The following TUBB variants were observed in gnomAD, a reference collection of about 807,000 sequenced individuals.
The protein encoded by TUBB is tubulin beta chain.
TUBB carries 2 observed loss-of-function variants against 35.1 expected under a neutral mutation model. The ratio of observed to expected loss-of-function variants is 0.06; its 90% CI spans 0.02 to 0.18. The LOEUF is 0.18. Ranked by LOEUF, TUBB falls within the 10% of genes least tolerant of loss-of-function variation. The probability of loss-of-function intolerance (pLI) is 1.00; values close to 1 mark genes in which losing one functional copy is unlikely to be tolerated. For synonymous variants in TUBB, 205 were observed against 223.8 expected (o/e 0.92, Z 0.75); for missense variants, 50 against 599.4 (o/e 0.08, Z 9.57).
At position 30,724,510 on chromosome 6, in the gene TUBB, T is replaced by C. The variant is rs1776504482; in HGVS notation, c.*113T>C. 9.9e-7 allele frequency: 1 copy of C among 1,005,482 alleles called. No individual in the cohort carries two copies. The highest frequency in any genetic ancestry group is 1.8e-5 in the African/African-American group (1 of 56,526). The allele number at this position is 1,005,482 out of a possible 1,614,324, so 62.3% of individuals were successfully genotyped here. On this transcript the variant is annotated 3_prime_UTR_variant, in exon 4 of 4. Coordinates refer to ENST00000327892, the MANE Select transcript of TUBB (RefSeq NM_178014.4). This position sits in a 1 kb window ranked among gnomAD's most constrained non-coding sequence, Gnocchi z 4.4. The stretch of plus-strand genomic sequence containing the variant: ...CTGCCTCTATCTTGTTTTTTGTTTT[T>C]TCTTCTGGGGGGGGTCTAGAACAGT...
intron 2 of TUBB, 103 bp downstream of exon 2, chr6:30,722,748 T>A (rs1776372963): frequency 1.7e-6 from 2 of 1,185,864 alleles, no homozygotes; most frequent in South Asian, 1.4e-5. Context: ...TGGGTGAATC[T>A]GTCATTTTGT....
At chr6:30,722,705 C>A in intron 2 of TUBB, 60 bp downstream of exon 2, 1 of 1,428,912 alleles carries the variant, frequency 7.0e-7, no homozygotes, top group Non-Finnish European at 9.8e-7. Flanking sequence ...TATCTGGGAT[C>A]TCTTTCCATT....
At position 30,724,936 on chromosome 6, in the gene TUBB, G is replaced by A. The variant is rs1776542005; in HGVS notation, c.*539G>A. On this transcript the variant is annotated 3_prime_UTR_variant, in exon 4 of 4. Coordinates refer to ENST00000327892, the MANE Select transcript of TUBB (RefSeq NM_178014.4). The surrounding 1 kb of genome is among the most constrained non-coding windows in gnomAD (Gnocchi z 4.4). ...CATCTCAGCTTCAAGGGAGGTGTCAGCAGTATTATCTCCACTTTCAATCTC... is the reference window on the plus strand; with the variant it reads ...CATCTCAGCTTCAAGGGAGGTGTCAACAGTATTATCTCCACTTTCAATCTC... The A allele has an allele frequency of 6.4e-6, 1 of 155,488 alleles. No homozygotes were observed. Among genetic ancestry groups the A allele is most frequent in the African/African-American group, 2.4e-5 (1 of 41,356 alleles). The allele number at this position is 155,488 out of a possible 1,614,324, so 9.6% of individuals were successfully genotyped here. A position where few individuals can be genotyped will look rare whatever the true frequency, so the allele number is the denominator to read the frequency against.
intron 1 of TUBB, chr6:30,721,524 TG>T (rs1036146648): frequency 6.1e-6 from 6 of 984,136 alleles, no homozygotes; most frequent in Non-Finnish European, 7.2e-6. Flanking sequence ...GCGGAATTTT[TG>T]TCCCTGGCCC....
Position 30,723,526 on chromosome 6 carries a change from T to G in TUBB, c.464T>G (p.Ile155Ser). 1 of 1,614,180 alleles carries G rather than the reference T, an allele frequency of 6.2e-7. No homozygotes were observed. The highest frequency in any genetic ancestry group is 8.5e-7 in the Non-Finnish European group (1 of 1,180,024). ...SGMGTLLISK[I>S]REEYPDRIMN... The stretch of plus-strand genomic sequence containing the variant: ...ATGGGCACTCTCCTTATCAGCAAGA[T>G]CCGAGAAGAATACCCTGATCGCATC... Residue 155 changes from isoleucine (I) to serine (S), a missense_variant, in exon 4 of 4, where the codon ATC (isoleucine) becomes AGC (serine). Physicochemically the swap from Ile to Ser is moderately radical, Grantham distance 142. Transcript: ENST00000327892.
rs1222827606 is a variant in TUBB at position 30,724,944 on chromosome 6, A to G, written c.*547A>G. ...CTTCAAGGGAGGTGTCAGCAGTATT[A>G]TCTCCACTTTCAATCTCCCTCCAAG... On this transcript the variant is annotated 3_prime_UTR_variant, in exon 4 of 4. Coordinates refer to ENST00000327892, the MANE Select transcript of TUBB (RefSeq NM_178014.4). The surrounding 1 kb of genome is among the most constrained non-coding windows in gnomAD (Gnocchi z 4.4). The G allele has an allele frequency of 1.3e-5, 2 of 154,676 alleles. No individual in the cohort carries two copies. Among genetic ancestry groups the G allele is most frequent in the Admixed American group, 6.4e-5 (1 of 15,722 alleles). 9.6% of individuals were successfully genotyped at this position (154,676 alleles called of 1,614,324 possible). A position where few individuals can be genotyped will look rare whatever the true frequency, so the allele number is the denominator to read the frequency against.
rs528416403 is a variant in TUBB, at chr6:30,720,415, A to G, written c.-92A>G. 5 of 1,321,310 alleles carry G rather than the reference A, an allele frequency of 3.8e-6. No homozygotes were observed. In the African/African-American group the frequency reaches 4.4e-5, roughly 12 times the overall value. The allele number at this position is 1,321,310 out of a possible 1,614,324, so 81.8% of individuals were successfully genotyped here. Reference sequence around the variant, plus strand: ...GCTCCAGCCTCTGGGGCGCATTCCAACCTTCCAGCCTGCGACCTGCGGAGA... The same window carrying G: ...GCTCCAGCCTCTGGGGCGCATTCCAGCCTTCCAGCCTGCGACCTGCGGAGA... On this transcript the variant is annotated 5_prime_UTR_variant, in exon 1 of 4. Coordinates refer to ENST00000327892, the MANE Select transcript of TUBB (RefSeq NM_178014.4).
chr6:30,721,605 G>T (rs1041092053), intron 1 of TUBB: 66 of 985,436 alleles, frequency 6.7e-5, no homozygotes, highest in South Asian at 1.4e-4. Flanking sequence ...GAGGGCGGGG[G>T]GGGTGGTCGA....
intron 1 of TUBB, chr6:30,721,559 C>A: frequency 2.0e-6 from 2 of 985,228 alleles, no homozygotes. Context: ...AGTCTTTTGT[C>A]GGCGGCTCGA....
At chr6:30,723,272 T>C in intron 3 of TUBB, 68 bp from the exon 4 acceptor site, 1 of 1,308,886 alleles carries the variant, frequency 7.6e-7, no homozygotes, top group Non-Finnish European at 1.1e-6. Context: ...TTTGAAAAGT[T>C]GAAAGATGGA....
chr6:30,721,904 C>T, intron 1 of TUBB: 3 of 985,270 alleles, frequency 3.0e-6, no homozygotes, highest in Non-Finnish European at 3.6e-6. Flanking sequence ...CCGAGGTGGG[C>T]GAATTGGGAT....
At chr6:30,721,611 G>GTCGACTGCGGCGGCAGCT in intron 1 of TUBB, 2 of 985,444 alleles carry the variant, frequency 2.0e-6, no homozygotes, top group Non-Finnish European at 2.4e-6. Context: ...GGGGGGGGTG[G>GTCGACTGCGGCGGCAGCT]TCGACTGCGG....
intron 1 of TUBB, 76 bp downstream of exon 1, chr6:30,720,639 C>T: frequency 7.6e-7 from 1 of 1,309,814 alleles, no homozygotes; most frequent in East Asian, 2.3e-5. Context: ...GGTTGTGGGG[C>T]ATTTGCACCC....
At chr6:30,722,463 GAAATA>G (rs1776348508) in intron 1 of TUBB, 69 bp from the exon 2 acceptor site, 2 of 1,052,760 alleles carry the variant, frequency 1.9e-6, no homozygotes, top group Non-Finnish European at 2.9e-6. Context: ...AGAAAAAGAT[GAAATA>G]AAATGGTAGT....
At chr6:30,721,775 A>C in intron 1 of TUBB, 1 of 984,854 alleles carries the variant, frequency 1.0e-6, no homozygotes, top group Non-Finnish European at 1.2e-6. Context: ...CAGAGCAGGG[A>C]AAGCTGTGGC....
intron 1 of TUBB, chr6:30,721,550 G>A (rs1457098150): frequency 1.0e-6 from 1 of 985,340 alleles, no homozygotes; most frequent in Non-Finnish European, 1.2e-6. Context: ...CACGCGCGAA[G>A]TCTTTTGTCG....
At chr6:30,721,631 T>G (rs1036169339) in intron 1 of TUBB, 25 of 985,242 alleles carry the variant, frequency 2.5e-5, no homozygotes, top group Admixed American at 6.1e-5. Context: ...GCGGCAGCTC[T>G]TTCCTCAGAC....
At chr6:30,722,213 A>C (rs1297161462) in intron 1 of TUBB, 2 of 297,894 alleles carry the variant, frequency 6.7e-6, no homozygotes, top group Non-Finnish European at 1.3e-5. Context: ...TGGGAGGCCA[A>C]GGTGGGCGGA....
At chr6:30,722,441 C>CA (rs879205777) in intron 1 of TUBB, 96 bp from the exon 2 acceptor site, 180 of 894,640 alleles carry the variant, frequency 2.0e-4, no homozygotes, top group South Asian at 1.9e-3. Flanking sequence ...GACTCCGTCT[C>CA]AAAAAAAATT....
Sources: gnomAD v4.1 joint callset for allele counts on GRCh38, gnomAD v4.1.1 for gene constraint, Gnocchi (gnomAD v3.1) non-coding constraint, MANE v1.5 for transcripts, NCBI Gene and HGNC (gene_info 2026-07-23, HGNC 2026-07-21) for gene names.